VDR: variants seen among roughly 807,000 people sequenced by gnomAD.
VDR encodes the protein vitamin D receptor.
In VDR, 19 loss-of-function variants were observed where a neutral mutation model predicts 39.7. The ratio of observed to expected loss-of-function variants is 0.48; its 90% CI spans 0.33 to 0.70. The LOEUF (loss-of-function observed/expected upper bound fraction) is 0.70. VDR is among the 30% of genes least tolerant of loss of function. The probability of loss-of-function intolerance (pLI) is 0.02; values close to 1 mark genes in which losing one functional copy is unlikely to be tolerated. For missense variants in VDR, 442 were observed against 570.5 expected, an observed-to-expected ratio of 0.77 and a Z score of 2.29; for synonymous variants, 242 against 215.8, an observed-to-expected ratio of 1.12 and a Z score of -1.07.
At chr12:47,850,179 T>C (rs1469647108) in intron 7 of VDR, among the ~76,000 whole-genome samples, 2 of 152,198 alleles carry the variant, frequency 1.3e-5, no homozygotes, top group Non-Finnish European at 2.9e-5. Flanking sequence ...TATGCAAATA[T>C]ATATATACCC....
At chr12:47,903,810 G>A (rs1265718407) in intron 1 of VDR, among the ~76,000 whole-genome samples, 1 of 152,184 alleles carries the variant, frequency 6.6e-6, no homozygotes, top group East Asian at 1.9e-4. Context: ...GGAGAAAGAT[G>A]AGATGTAGAT....
chr12:47,878,792 G>A, intron 3 of VDR, 176 bp downstream of exon 3: 11 of 966,944 alleles, frequency 1.1e-5, no homozygotes, highest in Non-Finnish European at 1.7e-5. Flanking sequence ...GAGCTGAGAG[G>A]AGGGAAAAGA....
At chr12:47,846,217 T>TCTGTGTCTCCTTTTG in intron 9 of VDR, 118 bp downstream of exon 9, 1 of 833,858 alleles carries the variant, frequency 1.2e-6, no homozygotes, top group Non-Finnish European at 2.0e-6. Context: ...TATTTCCTTA[T>TCTGTGTCTCCTTTTG]CTGTGTCTCC....
At chr12:47,898,554 A>G (rs1946503283) in intron 1 of VDR, 1 of 154,350 alleles carries the variant, frequency 6.5e-6, no homozygotes, top group African/African-American at 2.4e-5. Flanking sequence ...CCAGAAGACA[A>G]GTATAACATG....
chr12:47,882,933 A>G, intron 1 of VDR, 159 bp from the exon 2 acceptor site: 1 of 575,474 alleles, frequency 1.7e-6, no homozygotes, highest in Non-Finnish European at 3.0e-6. Context: ...ATGCCATGTC[A>G]TCGCTGGCAG....
intron 4 of VDR, among the ~76,000 whole-genome samples, chr12:47,863,764 G>A (rs1396667275): frequency 6.6e-6 from 1 of 152,202 alleles, no homozygotes. Flanking sequence ...GTTGGCTGGG[G>A]AGCCGTCAGA....
intron 1 of VDR, among the ~76,000 whole-genome samples, chr12:47,888,528 C>T (rs1035620746): frequency 6.6e-6 from 1 of 152,182 alleles, no homozygotes; most frequent in African/African-American, 2.4e-5. Flanking sequence ...TTCCTGCAAG[C>T]TGCTTTTTTC....
intron 1 of VDR, among the ~76,000 whole-genome samples, chr12:47,903,757 G>A (rs1482102399): frequency 6.6e-6 from 1 of 152,156 alleles, no homozygotes; most frequent in Non-Finnish European, 1.5e-5. Flanking sequence ...TGGAAGGAAG[G>A]GCTGGAAAAG....
chr12:47,904,501 C>T (rs908859118), intron 1 of VDR: 1 of 1,071,086 alleles, frequency 9.3e-7, no homozygotes, highest in Non-Finnish European at 1.2e-6. Context: ...CTTAAAAGAC[C>T]CAACTCCACC....
chr12:47,873,812 T>A (rs1010722137), intron 3 of VDR, among the ~76,000 whole-genome samples: 1 of 152,194 alleles, frequency 6.6e-6, no homozygotes, highest in African/African-American at 2.4e-5. Context: ...AAACATGCTT[T>A]CCCAAAGTCC....
intron 7 of VDR, among the ~76,000 whole-genome samples, chr12:47,855,297 C>T (rs1229629441): frequency 6.6e-6 from 1 of 151,814 alleles, no homozygotes; most frequent in Non-Finnish European, 1.5e-5. Flanking sequence ...CACTGCACTC[C>T]AGCCTGGGCA....
At chr12:47,895,884 G>A (rs1946457243) in intron 1 of VDR, among the ~76,000 whole-genome samples, 2 of 152,358 alleles carry the variant, frequency 1.3e-5, no homozygotes, top group Admixed American at 6.5e-5. Context: ...ATCAACCAGC[G>A]TGTGCTCTCC....
In VDR at chr12:47,893,831, A is replaced by G. The variant is rs115735340; in HGVS notation, c.-83-11057T>C. ...TGTGTGGAGCACCTCACATGCAGAT[A>G]GGCACATGCCAGTCCATATCCTGAG... is the stretch of plus-strand genomic sequence containing the variant. On this transcript the variant is annotated intron_variant, in intron 1 of 9. Coordinates refer to ENST00000549336, the MANE Select transcript of VDR (RefSeq NM_000376.3). 9.1e-3 allele frequency among the ~76,000 whole-genome samples: 1,381 copies of G among 152,370 alleles called. 27 individuals are homozygous for G. Among genetic ancestry groups the G allele is most frequent in the African/African-American group, 0.032 (1,311 of 41,584 alleles).
At chr12:47,870,881 C>A (rs1945839995) in intron 3 of VDR, among the ~76,000 whole-genome samples, 2 of 152,158 alleles carry the variant, frequency 1.3e-5, no homozygotes, top group Admixed American at 1.3e-4. Flanking sequence ...ATATGTATAG[C>A]AGAACATCGA....
intron 1 of VDR, among the ~76,000 whole-genome samples, chr12:47,888,195 C>G (rs1255455233): frequency 6.6e-6 from 1 of 152,192 alleles, no homozygotes; most frequent in African/African-American, 2.4e-5. Flanking sequence ...GGCTTATTCA[C>G]TATCATGAGA....
chr12:47,865,079 T>C lies in VDR; in HGVS notation c.245A>G (p.Lys82Arg). 1 of 1,613,954 alleles carries C rather than the reference T, an allele frequency of 6.2e-7. No homozygotes were observed. Among genetic ancestry groups the C allele is most frequent in the Non-Finnish European group, 8.5e-7 (1 of 1,179,790 alleles). Residue 82 changes from lysine to arginine, a missense_variant, in exon 4 of 10, where the codon AAA (lysine) becomes AGA (arginine). By Grantham distance (26) the Lys-to-Arg change is conservative (BLOSUM62 2). Coordinates refer to ENST00000549336, the MANE Select transcript of VDR (RefSeq NM_000376.3). Reference protein sequence around the residue: ...NRRHCQACRLKRCVDIGMMKE... With the variant: ...NRRHCQACRLRRCVDIGMMKE... ...CATCATGCCGATGTCCACACAGCGT[T>C]TGAGCCGGCAGGCCTGGCAGTGGCG...
At chr12:47,852,359 G>GGAATATGTGGAGTTTGCAAACAGTAACGT (rs1945403736) in intron 7 of VDR, among the ~76,000 whole-genome samples, 1 of 152,230 alleles carries the variant, frequency 6.6e-6, no homozygotes, top group African/African-American at 2.4e-5. Flanking sequence ...ACAAGACTTT[G>GGAATATGTGGAGTTTGCAAACAGTAACGT]GAATATGTGG....
chr12:47,850,013 G>A (rs1046697203), intron 7 of VDR, among the ~76,000 whole-genome samples: 5 of 152,054 alleles, frequency 3.3e-5, no homozygotes, highest in African/African-American at 1.2e-4. Flanking sequence ...ACCACACCTG[G>A]CTAATTTTTC....
intron 3 of VDR, among the ~76,000 whole-genome samples, chr12:47,876,790 G>C (rs1565626121): frequency 6.6e-6 from 1 of 152,210 alleles, no homozygotes; most frequent in Non-Finnish European, 1.5e-5. Context: ...TCCCAGCCTA[G>C]TGGTGTGTCC....
Sources: gnomAD v4.1 joint callset for allele counts (sites outside exome capture counted in the v4.1 genomes callset) on GRCh38, gnomAD v4.1.1 for gene constraint, MANE v1.5 for transcripts, NCBI Gene and HGNC (gene_info 2026-07-23, HGNC 2026-07-21) for gene names.